GRID2: variants seen among roughly 807,000 people sequenced by gnomAD.
The protein encoded by GRID2 is glutamate ionotropic receptor delta type subunit 2, also known as glutamate receptor ionotropic, delta-2.
In GRID2, 33 loss-of-function variants were observed where a neutral mutation model predicts 114.8. The observed-to-expected ratio is 0.29, with a 90% CI of 0.22 to 0.38. The LOEUF (loss-of-function observed/expected upper bound fraction) is 0.38, where lower values mean the gene tolerates loss of function less well. Among genes scored for constraint, GRID2 ranks in the 10% least tolerant of loss-of-function variants. The pLI, the probability that GRID2 is intolerant of heterozygous loss-of-function variation, is 1.00. For synonymous variants in GRID2, 505 were observed against 449.9 expected (o/e 1.12, Z -1.55); for missense variants, 1,184 against 1,257.7 (o/e 0.94, Z 0.89).
chr4:92,639,124 G>A (rs927259495), intron 2 of GRID2, among the ~76,000 whole-genome samples: 3 of 151,488 alleles, frequency 2.0e-5, no homozygotes, highest in Non-Finnish European at 3.0e-5. Context: ...TTTAGAATGT[G>A]TCAATAATTT....
chr4:93,130,430 C>G (rs1312796338), intron 4 of GRID2, among the ~76,000 whole-genome samples: 2 of 151,934 alleles, frequency 1.3e-5, no homozygotes, highest in Non-Finnish European at 2.9e-5. Flanking sequence ...GAGTACAGAG[C>G]AAAACCCTGT....
intron 1 of GRID2, among the ~76,000 whole-genome samples, chr4:92,483,678 A>G (rs572534816): frequency 6.2e-4 from 94 of 152,302 alleles, no homozygotes; most frequent in African/African-American, 2.2e-3. Context: ...TGGATGAAGT[A>G]GATACGGAAG....
chr4:92,375,238 A>G (rs1226541054), intron 1 of GRID2, among the ~76,000 whole-genome samples: 3 of 152,206 alleles, frequency 2.0e-5, no homozygotes, highest in African/African-American at 7.2e-5. Context: ...TGTTCTGCTC[A>G]GAATCTATAA....
At chr4:92,818,938 A>G (rs1741089289) in intron 2 of GRID2, among the ~76,000 whole-genome samples, 1 of 152,026 alleles carries the variant, frequency 6.6e-6, no homozygotes, top group Non-Finnish European at 1.5e-5. Context: ...TATAGCATAT[A>G]ATTTTTCTCA....
chr4:93,005,705 T>C (rs1273855770), intron 2 of GRID2, among the ~76,000 whole-genome samples: 1 of 152,090 alleles, frequency 6.6e-6, no homozygotes, highest in African/African-American at 2.4e-5. Context: ...TGCAATGGAA[T>C]AGTATTTGAC....
intron 4 of GRID2, among the ~76,000 whole-genome samples, chr4:93,124,239 T>C (rs996127076): frequency 6.6e-6 from 1 of 152,120 alleles, no homozygotes; most frequent in African/African-American, 2.4e-5. Context: ...CTCTGTGGTA[T>C]GTCAGGCACA....
Position 93,705,162 on chromosome 4 carries a change from G to A in GRID2, c.2361-64048G>A, listed in dbSNP as rs566569592. 7.2e-5 allele frequency among the ~76,000 whole-genome samples: 11 copies of A among 152,126 alleles called. No individual in the cohort carries two copies. In the East Asian group the frequency reaches 9.7e-4, roughly 13 times the overall value. On this transcript the variant is annotated intron_variant, in intron 14 of 15. Coordinates refer to ENST00000282020, the MANE Select transcript of GRID2 (RefSeq NM_001510.4). ...AAGCCATTTTAACTGGGGGTGCAAC[G>A]GTATCTCATTGGAGTTTTAATTTAC... is the stretch of plus-strand genomic sequence containing the variant.
At chr4:92,500,858 A>T (rs1012342321) in intron 1 of GRID2, among the ~76,000 whole-genome samples, 1 of 152,098 alleles carries the variant, frequency 6.6e-6, no homozygotes, top group Non-Finnish European at 1.5e-5. Flanking sequence ...ATGGTTTCTT[A>T]AGTGAGTATT....
Position 92,752,762 on chromosome 4 carries a change from C to T in GRID2, c.244+162476C>T, listed in dbSNP as rs892416638. 7.2e-5 allele frequency among the ~76,000 whole-genome samples: 11 copies of T among 152,156 alleles called. No individual in the cohort carries two copies. The East Asian group carries it at 1.7e-3, about 24-fold the overall frequency. On this transcript the variant is annotated intron_variant, in intron 2 of 15. Transcript: ENST00000282020. ...CATACACCAAATATATATATTGTGG[C>T]AAGTGAATATGTAAATGACTTATTA...
intron 2 of GRID2, among the ~76,000 whole-genome samples, chr4:92,779,810 A>G (rs1738985775): frequency 6.6e-6 from 1 of 152,152 alleles, no homozygotes; most frequent in African/African-American, 2.4e-5. Context: ...TATGAAGAAA[A>G]TACACATTGG....
chr4:92,687,872 T>G (rs1325089576), intron 2 of GRID2, among the ~76,000 whole-genome samples: 2 of 151,624 alleles, frequency 1.3e-5, no homozygotes, highest in Non-Finnish European at 2.9e-5. Flanking sequence ...AATGATCATG[T>G]GAACTTTCAG....
At chr4:92,525,936 C>T (rs1349229629) in intron 1 of GRID2, among the ~76,000 whole-genome samples, 1 of 152,006 alleles carries the variant, frequency 6.6e-6, no homozygotes, top group Non-Finnish European at 1.5e-5. Flanking sequence ...TAAATGACAA[C>T]AAAGGATAGA....
intron 1 of GRID2, among the ~76,000 whole-genome samples, chr4:92,484,134 T>G (rs1722751386): frequency 6.6e-6 from 1 of 152,192 alleles, no homozygotes. Context: ...TACAAATTGA[T>G]AGGGAACATT....
At chr4:93,116,399 C>A (rs1213473772) in intron 4 of GRID2, among the ~76,000 whole-genome samples, 4 of 152,120 alleles carry the variant, frequency 2.6e-5, no homozygotes, top group African/African-American at 9.7e-5. Flanking sequence ...TGTTTTATCA[C>A]TATAAATATT....
chr4:92,334,597 T>TTA (rs1553924833), intron 1 of GRID2, among the ~76,000 whole-genome samples: 29 of 151,982 alleles, frequency 1.9e-4, no homozygotes, highest in African/African-American at 6.0e-4. Flanking sequence ...TTTTTTTTTT[T>TTA]AACAAGCCCA....
chr4:92,441,563 C>G (rs1475955032), intron 1 of GRID2, among the ~76,000 whole-genome samples: 1 of 152,150 alleles, frequency 6.6e-6, no homozygotes, highest in East Asian at 1.9e-4. Context: ...GGCGCAGATC[C>G]TGAGCTAACT....
At chr4:92,572,828 GCCTCATAGAATGAGTTAAGGAGGAGTC>G (rs1358006413) in intron 1 of GRID2, among the ~76,000 whole-genome samples, 2 of 151,964 alleles carry the variant, frequency 1.3e-5, no homozygotes, top group Non-Finnish European at 2.9e-5. Flanking sequence ...AATGATGATG[GCCTCATAGAATGAGTTAAGGAGGAGTC>G]CTTCTTTTTC....
At chr4:92,749,019 G>A (rs1737300609) in intron 2 of GRID2, among the ~76,000 whole-genome samples, 1 of 149,444 alleles carries the variant, frequency 6.7e-6, no homozygotes, top group Non-Finnish European at 1.5e-5. Flanking sequence ...TTTGGAGGCG[G>A]AGTCTTGCTC....
intron 5 of GRID2, among the ~76,000 whole-genome samples, chr4:93,213,842 C>G (rs1254665689): frequency 2.0e-5 from 3 of 152,006 alleles, no homozygotes; most frequent in East Asian, 1.9e-4. Context: ...AGGATTCAAC[C>G]GACATTAAAT....
Sources: gnomAD v4.1 joint callset for allele counts (sites outside exome capture counted in the v4.1 genomes callset) on GRCh38, gnomAD v4.1.1 for gene constraint, MANE v1.5 for transcripts, NCBI Gene and HGNC (gene_info 2026-07-23, HGNC 2026-07-21) for gene names.